The following DPYD variants were observed in gnomAD, a reference collection of about 807,000 sequenced individuals.
DPYD encodes the protein dihydropyrimidine dehydrogenase.
A neutral mutation model predicts 116.2 loss-of-function variants in DPYD; 109 were observed. That is an observed-to-expected ratio of 0.94 (90% CI 0.80 to 1.10). The LOEUF (loss-of-function observed/expected upper bound fraction) is 1.10, where lower values mean the gene tolerates loss of function less well. DPYD is among the 50% of genes least tolerant of loss of function. The probability of loss-of-function intolerance (pLI) is 0.00; values close to 1 mark genes in which losing one functional copy is unlikely to be tolerated. For synonymous variants in DPYD, 440 were observed against 432.0 expected (o/e 1.02, Z -0.23); for missense variants, 1,302 against 1,254.5 (o/e 1.04, Z -0.57).
At chr1:97,334,075 T>G (rs1445265123) in intron 16 of DPYD, among the ~76,000 whole-genome samples, 6 of 152,182 alleles carry the variant, frequency 3.9e-5, no homozygotes, top group African/African-American at 1.4e-4. Flanking sequence ...TCAGTTACAC[T>G]TTACTGCATT....
At chr1:97,710,880 GA>G (rs1662246732) in intron 5 of DPYD, among the ~76,000 whole-genome samples, 1 of 151,642 alleles carries the variant, frequency 6.6e-6, no homozygotes, top group Non-Finnish European at 1.5e-5. Flanking sequence ...AAACCCACCT[GA>G]AAGAGAAATT....
intron 12 of DPYD, among the ~76,000 whole-genome samples, chr1:97,531,706 T>C (rs1455538986): frequency 6.6e-6 from 1 of 152,150 alleles, no homozygotes; most frequent in African/African-American, 2.4e-5. Flanking sequence ...AATCTGTACA[T>C]TGCTTTAGGT....
At chr1:97,128,109 T>A (rs1012904960) in intron 20 of DPYD, among the ~76,000 whole-genome samples, 5 of 152,170 alleles carry the variant, frequency 3.3e-5, no homozygotes, top group African/African-American at 1.2e-4. Flanking sequence ...AAACAGGCAC[T>A]AAATAATTCT....
intron 20 of DPYD, among the ~76,000 whole-genome samples, chr1:97,150,150 A>G (rs930001552): frequency 1.3e-5 from 2 of 152,030 alleles, no homozygotes; most frequent in Non-Finnish European, 2.9e-5. Flanking sequence ...TATCATTCCA[A>G]ATATCTCTTT....
chr1:97,376,087 A>C (rs1244252009), intron 15 of DPYD, among the ~76,000 whole-genome samples: 1 of 152,208 alleles, frequency 6.6e-6, no homozygotes, highest in Non-Finnish European at 1.5e-5. Context: ...AGCAACTCTA[A>C]GAGGTAGGAT....
intron 18 of DPYD, among the ~76,000 whole-genome samples, chr1:97,245,349 C>T (rs1662645793): frequency 1.3e-5 from 2 of 152,230 alleles, no homozygotes; most frequent in South Asian, 2.1e-4. Flanking sequence ...CAGATTAACA[C>T]ATGCCTCAAT....
chr1:97,224,991 A>ATCTG (rs60008635), intron 19 of DPYD, among the ~76,000 whole-genome samples: 60 of 142,492 alleles, frequency 4.2e-4, no homozygotes, highest in East Asian at 1.0e-3. Context: ...CTATCTAACT[A>ATCTG]TCTGTCTGTC....
intron 19 of DPYD, among the ~76,000 whole-genome samples, chr1:97,223,388 A>AACAC (rs67855545): frequency 0.15 from 22,711 of 148,198 alleles, 1,868 homozygotes; most frequent in South Asian, 0.23. Context: ...GATAGAATTA[A>AACAC]ACACACACAC....
Position 97,921,026 on chromosome 1 carries a change from A to C in DPYD, c.-104T>G. ...AGCAGCCGGAGCGCGAGTCGAAAAC[A>C]GGCAGACTAGGGCCGGCGGCGCGGG... On this transcript the variant is annotated 5_prime_UTR_variant, in exon 1 of 23. Transcript: ENST00000370192. 1 of 1,420,966 alleles carries C rather than the reference A, an allele frequency of 7.0e-7. No individual in the cohort carries two copies. The highest frequency in any genetic ancestry group is 1.8e-4 in the Middle Eastern group (1 of 5,574). 88.0% of individuals were successfully genotyped at this position (1,420,966 alleles called of 1,614,324 possible). A position where few individuals can be genotyped will look rare whatever the true frequency, so the allele number is the denominator to read the frequency against.
intron 5 of DPYD, among the ~76,000 whole-genome samples, chr1:97,715,790 A>T (rs1258756942): frequency 6.6e-6 from 1 of 152,058 alleles, no homozygotes; most frequent in Non-Finnish European, 1.5e-5. Context: ...CTTGCACTTA[A>T]TATTTCTGTC....
chr1:97,402,712 T>G (rs542197169), intron 14 of DPYD, among the ~76,000 whole-genome samples: 1 of 152,218 alleles, frequency 6.6e-6, no homozygotes, highest in East Asian at 1.9e-4. Flanking sequence ...AAACTTCTAA[T>G]TTCTCACCAT....
intron 11 of DPYD, among the ~76,000 whole-genome samples, chr1:97,555,581 T>C (rs1651635145): frequency 6.6e-6 from 1 of 152,122 alleles, no homozygotes; most frequent in South Asian, 2.1e-4. Context: ...AAAACTTCTA[T>C]AGACTTGACT....
intron 20 of DPYD, among the ~76,000 whole-genome samples, chr1:97,173,157 T>C (rs1182062673): frequency 6.6e-6 from 1 of 151,748 alleles, no homozygotes; most frequent in African/African-American, 2.4e-5. Context: ...TACACATATG[T>C]ACGTATATAT....
At chr1:97,370,411 C>T (rs1002396534) in intron 16 of DPYD, among the ~76,000 whole-genome samples, 1 of 151,924 alleles carries the variant, frequency 6.6e-6, no homozygotes, top group Non-Finnish European at 1.5e-5. Flanking sequence ...ACACCGGGGC[C>T]TGTTGGGGGT....
intron 3 of DPYD, among the ~76,000 whole-genome samples, chr1:97,749,110 C>G (rs1385534572): frequency 1.3e-5 from 2 of 152,142 alleles, no homozygotes; most frequent in African/African-American, 4.8e-5. Flanking sequence ...TCTCCCTTCC[C>G]TTTCTCAATT....
At chr1:97,647,247 T>C (rs948108610) in intron 8 of DPYD, among the ~76,000 whole-genome samples, 5 of 152,186 alleles carry the variant, frequency 3.3e-5, no homozygotes, top group Admixed American at 2.6e-4. Context: ...TTTCCACCAA[T>C]AAAAATTTAA....
At chr1:97,291,544 G>A (rs1396019003) in intron 18 of DPYD, among the ~76,000 whole-genome samples, 2 of 152,154 alleles carry the variant, frequency 1.3e-5, no homozygotes, top group African/African-American at 4.8e-5. Context: ...GTAAGGAAAT[G>A]GATGAAATTG....
intron 14 of DPYD, among the ~76,000 whole-genome samples, chr1:97,423,366 T>C (rs1056135223): frequency 5.9e-4 from 89 of 152,012 alleles, no homozygotes; most frequent in Admixed American, 5.8e-3. Context: ...AGGGGTGTGA[T>C]TATGGCTAAG....
intron 19 of DPYD, among the ~76,000 whole-genome samples, chr1:97,222,308 A>G (rs1660830161): frequency 6.6e-6 from 1 of 152,116 alleles, no homozygotes; most frequent in Non-Finnish European, 1.5e-5. Context: ...TTCTGTAGCT[A>G]TACGCCTGCA....
Sources: allele counts gnomAD v4.1 joint callset (sites outside exome capture counted in the v4.1 genomes callset), GRCh38; gene constraint gnomAD v4.1.1; transcripts MANE v1.5; gene names NCBI Gene and HGNC (gene_info 2026-07-23, HGNC 2026-07-21).